Variants in ANGEL1 observed in about 807,000 individuals in gnomAD.
ANGEL1 encodes RNA 2',3'-cyclic phosphatase ANGEL1.
ANGEL1 carries 62 observed loss-of-function variants against 76.4 expected under a neutral mutation model. The observed-to-expected ratio is 0.81, with a 90% CI of 0.66 to 1.00. The LOEUF (loss-of-function observed/expected upper bound fraction) is 1.00. ANGEL1 is among the 50% of genes least tolerant of loss of function. The pLI, the probability that ANGEL1 is intolerant of heterozygous loss-of-function variation, is 0.00. For synonymous variants in ANGEL1, 340 were observed against 331.7 expected (o/e 1.03, Z -0.27); for missense variants, 737 against 836.7 (o/e 0.88, Z 1.47).
intron 7 of ANGEL1, among the ~76,000 whole-genome samples, chr14:76,796,080 A>G (rs1401078437): frequency 6.6e-6 from 1 of 151,884 alleles, no homozygotes; most frequent in Non-Finnish European, 1.5e-5. Context: ...ATGATTCTAA[A>G]TATTTTATGT....
intron 2 of ANGEL1, among the ~76,000 whole-genome samples, chr14:76,808,629 G>A (rs1214011072): frequency 9.2e-5 from 14 of 152,010 alleles, no homozygotes; most frequent in African/African-American, 3.4e-4. Context: ...ATCTATTGAC[G>A]CCATTCTTCA....
At chr14:76,811,230 T>C (rs961690636) in intron 1 of ANGEL1, among the ~76,000 whole-genome samples, 1 of 152,156 alleles carries the variant, frequency 6.6e-6, no homozygotes, top group Non-Finnish European at 1.5e-5. Flanking sequence ...ACGTCAACAG[T>C]GCTGAGATTG....
rs764375960 is a variant in ANGEL1, at chr14:76,789,370, T to C, written c.1871A>G (p.Asp624Gly). 2 of 1,614,162 alleles carry C rather than the reference T, an allele frequency of 1.2e-6. No individual in the cohort carries two copies. The highest frequency in any genetic ancestry group is 2.2e-5 in the East Asian group (1 of 44,880). Residue 624 changes from aspartate (D) to glycine (G), a missense_variant, in exon 10 of 10, where the codon GAT (aspartate) becomes GGT (glycine). Around this residue, in one of 2 missense-constraint regions of ANGEL1, gnomAD observed 296 missense variants for 387.2 expected, o/e 0.76. Coordinates refer to ENST00000251089, the MANE Select transcript of ANGEL1 (RefSeq NM_015305.4). ...ACGACCCAGGAGCTTGAGAGTTCCA[T>C]CTCGATACAGCCTGTGATCTGGGGC... ...GNRTDHRLYRDGTLKLLGRLS... is the reference protein window; with the variant it reads ...GNRTDHRLYRGGTLKLLGRLS...
At chr14:76,808,174 A>C in intron 2 of ANGEL1, 26 bp from the exon 3 acceptor site, 1 of 1,598,666 alleles carries the variant, frequency 6.3e-7, no homozygotes, top group Non-Finnish European at 8.6e-7. Flanking sequence ...AGAAGCACTC[A>C]ATGGCAAGTA....
At chr14:76,796,975 T>C (rs1311382672) in intron 7 of ANGEL1, among the ~76,000 whole-genome samples, 1 of 152,132 alleles carries the variant, frequency 6.6e-6, no homozygotes, top group Non-Finnish European at 1.5e-5. Context: ...ATCTTAAACA[T>C]GATTTCCCTA....
chr14:76,808,015 G>A lies in ANGEL1; in HGVS notation c.783C>T (p.Ser261=). 1 of 1,614,192 alleles carries A rather than the reference G, an allele frequency of 6.2e-7. No homozygotes were observed. Among genetic ancestry groups the A allele is most frequent in the Non-Finnish European group, 8.5e-7 (1 of 1,180,026 alleles). ...NILAQDLMQQ[S]SELYLHCHPD... ...GATGGCAATGTAGATAGAGCTCTGAGCTCTGCTGCATCAGGTCCTGAGCCA... is the reference window on the plus strand; with the variant it reads ...GATGGCAATGTAGATAGAGCTCTGAACTCTGCTGCATCAGGTCCTGAGCCA... The change falls in exon 3 of 10, where the codon AGC becomes AGT. Residue 261 remains serine, a synonymous_variant. Transcript: ENST00000251089.
chr14:76,794,040 G>A (rs548522548), intron 7 of ANGEL1, among the ~76,000 whole-genome samples: 3 of 152,272 alleles, frequency 2.0e-5, no homozygotes, highest in African/African-American at 7.2e-5. Context: ...AGACAGTGTG[G>A]TTCTGGCATA....
At chr14:76,801,312 T>C (rs1025569854) in intron 7 of ANGEL1, among the ~76,000 whole-genome samples, 3 of 151,938 alleles carry the variant, frequency 2.0e-5, no homozygotes, top group Admixed American at 6.6e-5. Flanking sequence ...GTGTCTCACT[T>C]TGTTGCCCAG....
chr14:76,809,981 C>A, intron 1 of ANGEL1: 1 of 389,004 alleles, frequency 2.6e-6, no homozygotes, highest in Non-Finnish European at 4.9e-6. Context: ...GTTAAGACTA[C>A]TATTAACAAA....
At position 76,809,094 on chromosome 14, in the gene ANGEL1, T is replaced by C; in HGVS notation, c.614A>G (p.Gln205Arg). 1 of 1,613,806 alleles carries C rather than the reference T, an allele frequency of 6.2e-7. No individual in the cohort carries two copies. Among genetic ancestry groups the C allele is most frequent in the Non-Finnish European group, 8.5e-7 (1 of 1,179,818 alleles). The change falls in exon 2 of 10, where the codon CAG (glutamine) becomes CGG (arginine). Residue 205 changes from glutamine to arginine, a missense_variant. Physicochemically the swap from Gln to Arg is conservative, Grantham distance 43. Transcript: ENST00000251089. ...ASIWPFEGLG[Q>R]LQPPAVEIPY... ...TATTTCCACTGCGGGAGGCTGCAAC[T>C]GCCCCAGGCCCTCAAAGGGCCAGAT...
At chr14:76,792,903 G>A (rs750478057) in intron 7 of ANGEL1, among the ~76,000 whole-genome samples, 7 of 152,076 alleles carry the variant, frequency 4.6e-5, no homozygotes, top group African/African-American at 1.2e-4. Flanking sequence ...GAGTAATTAT[G>A]AAAGAAAAAG....
Position 76,806,368 on chromosome 14 carries a change from C to T in ANGEL1, c.1380+48G>A. ...GAAGCACTGATGCTAACGCCTGAAT[C>T]TCTCTTAGACCATGTTCCCACCCAC... On this transcript the variant is annotated intron_variant, in intron 5 of 9. Transcript: ENST00000251089. The T allele has an allele frequency of 1.9e-6, 3 of 1,555,772 alleles. No homozygotes were observed. The South Asian group carries it at 3.7e-5, about 19-fold the overall frequency.
chr14:76,793,401 AGGGGAT>A (rs1894471830), intron 7 of ANGEL1, among the ~76,000 whole-genome samples: 1 of 16,284 alleles, frequency 6.1e-5, no homozygotes, highest in Non-Finnish European at 1.3e-4. Flanking sequence ...AGGAGGGGAG[AGGGGAT>A]AAAAGGAAAG....
Position 76,803,829 on chromosome 14 carries a change from A to G in ANGEL1, c.1464T>C (p.Thr488=), listed in dbSNP as rs1307327967. 2.5e-6 allele frequency: 4 copies of G among 1,614,000 alleles called. No homozygotes were observed. The highest frequency in any genetic ancestry group is 3.4e-6 in the Non-Finnish European group (4 of 1,179,996). Residue 488 remains threonine (T), a synonymous_variant, in exon 6 of 10, where the codon ACT becomes ACC. Coordinates refer to ENST00000251089, the MANE Select transcript of ANGEL1 (RefSeq NM_015305.4). Reference sequence around the variant, plus strand: ...AGGAGGTGACATACTGACAGCAATCAGTGATGCCCAGGGAGCTGGGCCACA... The same window carrying G: ...AGGAGGTGACATACTGACAGCAATCGGTGATGCCCAGGGAGCTGGGCCACA... ...APLWPSSLGI[T]DCCQYVTSCH...
At chr14:76,792,707 A>G (rs1230749176) in intron 7 of ANGEL1, among the ~76,000 whole-genome samples, 1 of 152,198 alleles carries the variant, frequency 6.6e-6, no homozygotes, top group Non-Finnish European at 1.5e-5. Flanking sequence ...CATGAGTTAA[A>G]AACACTCAAA....
In ANGEL1 at chr14:76,789,293, G is replaced by A; in HGVS notation, c.1948C>T (p.Pro650Ser). 1 of 1,614,240 alleles carries A rather than the reference G, an allele frequency of 6.2e-7. No individual in the cohort carries two copies. The highest frequency in any genetic ancestry group is 8.5e-7 in the Non-Finnish European group (1 of 1,180,044). Residue 650 changes from proline to serine, a missense_variant, in exon 10 of 10, where the codon CCC (proline) becomes TCC (serine). Physicochemically the swap from Pro to Ser is moderately conservative, Grantham distance 74. This residue lies in a region of ANGEL1 where 296 missense variants were observed against 387.2 expected (regional missense o/e 0.76). Coordinates refer to ENST00000251089, the MANE Select transcript of ANGEL1 (RefSeq NM_015305.4). ...ILWAANGLPN[P>S]FCSSDHLCLL... ...CAGAGGTGGTCTGAAGAGCAGAAGG[G>A]GTTGGGTAAGCCATTGGCAGCCCAG...
At chr14:76,812,592 G>A (rs12878988) in intron 1 of ANGEL1, 172 bp downstream of exon 1, 10 of 1,293,986 alleles carry the variant, frequency 7.7e-6, no homozygotes, top group Non-Finnish European at 7.8e-6. Context: ...GGCCTCGTGG[G>A]GTCAGGAGGG....
At chr14:76,795,214 T>C (rs181828667) in intron 7 of ANGEL1, among the ~76,000 whole-genome samples, 36 of 152,328 alleles carry the variant, frequency 2.4e-4, no homozygotes, top group African/African-American at 7.7e-4. Flanking sequence ...AGATGTTGAA[T>C]GTTAACAGAT....
At chr14:76,808,983 T>G in intron 2 of ANGEL1, 76 bp downstream of exon 2, 9 of 1,386,372 alleles carry the variant, frequency 6.5e-6, no homozygotes, top group Non-Finnish European at 8.8e-6. Flanking sequence ...CCATAGAATC[T>G]TCTCTTTAGC....
Sources: allele counts gnomAD v4.1 joint callset (sites outside exome capture counted in the v4.1 genomes callset), GRCh38; gene constraint gnomAD v4.1.1; regional missense constraint gnomAD v4.1.1; transcripts MANE v1.5; gene names NCBI Gene and HGNC (gene_info 2026-07-23, HGNC 2026-07-21).